The following LRTM1 variants were observed in gnomAD, a reference collection of about 807,000 sequenced individuals.
LRTM1 encodes leucine-rich repeat and transmembrane domain-containing protein 1.
Under a neutral mutation model 32.4 loss-of-function variants are expected in LRTM1, and 38 were observed. The ratio of observed to expected loss-of-function variants is 1.17; its 90% CI spans 0.91 to 1.54. The LOEUF (loss-of-function observed/expected upper bound fraction) is 1.54. Ranked by LOEUF, LRTM1 falls within the 40% of genes most tolerant of loss-of-function variation. The pLI, the probability that LRTM1 is intolerant of heterozygous loss-of-function variation, is 0.00. For synonymous variants in LRTM1, 186 were observed against 169.9 expected (o/e 1.09, Z -0.74); for missense variants, 466 against 415.4 (o/e 1.12, Z -1.06).
At chr3:54,930,745 G>A (rs1363819882), upstream of LRTM1, among the ~76,000 whole-genome samples, 1 of 152,236 alleles carries the variant, frequency 6.6e-6, no homozygotes, top group Non-Finnish European at 1.5e-5. Flanking sequence ...GCCGGAGGCA[G>A]GGAGGATCAA....
At chr3:54,935,226 G>A (rs763886431) in intron 1 of LRTM1, among the ~76,000 whole-genome samples, 7 of 152,132 alleles carry the variant, frequency 4.6e-5, no homozygotes, top group Admixed American at 2.0e-4. Context: ...GTCTACCTCT[G>A]GGGTAGACTT....
chr3:54,960,043 C>A (rs1701993477), intron 1 of LRTM1, among the ~76,000 whole-genome samples: 2 of 138,248 alleles, frequency 1.4e-5, no homozygotes, highest in Admixed American at 7.5e-5. Flanking sequence ...TCTACTTTAC[C>A]AAAGGTGACA....
intron 1 of LRTM1, among the ~76,000 whole-genome samples, chr3:54,940,318 T>C (rs992114685): frequency 2.0e-5 from 3 of 152,222 alleles, no homozygotes; most frequent in Non-Finnish European, 2.9e-5. Context: ...GGAGCAACTG[T>C]CTTCTAAAAA....
At chr3:54,920,715 G>A (rs920205962) in intron 2 of LRTM1, among the ~76,000 whole-genome samples, 2 of 152,148 alleles carry the variant, frequency 1.3e-5, no homozygotes, top group East Asian at 1.9e-4. Context: ...AGAAGTAGTC[G>A]TGATATTTAA....
chr3:54,921,665 C>T (rs943157706), intron 2 of LRTM1, among the ~76,000 whole-genome samples: 4 of 151,996 alleles, frequency 2.6e-5, no homozygotes, highest in East Asian at 1.9e-4. Flanking sequence ...CCGTGTAATC[C>T]GCCATGCATT....
chr3:54,924,694 G>C lies in LRTM1; in HGVS notation c.529C>G (p.Leu177Val), dbSNP rs145632656. The C allele has an allele frequency of 4.3e-6, 7 of 1,614,136 alleles. No individual in the cohort carries two copies. Among genetic ancestry groups the C allele is most frequent in the Non-Finnish European group, 5.9e-6 (7 of 1,180,018 alleles). The part of the protein sequence containing the change: ...ESMPSVRLLL[L>V]KDNLWKCNCH... ...TTGCATTTCCAGAGGTTGTCCTTGA[G>C]AAGTAAAAGCCTCACACTGGGCATG... The change falls in exon 2 of 3, where the codon CTC becomes GTC. Residue 177 changes from leucine to valine, a missense_variant. By Grantham distance (32) the Leu-to-Val change is conservative. Transcript: ENST00000273286.
At chr3:54,924,018 C>A (rs1037830706) in intron 2 of LRTM1, among the ~76,000 whole-genome samples, 5 of 152,176 alleles carry the variant, frequency 3.3e-5, no homozygotes, top group East Asian at 1.9e-4. Context: ...AGTTTGCTAA[C>A]CCTGGGTGGT....
intron 1 of LRTM1, among the ~76,000 whole-genome samples, chr3:54,945,642 T>C (rs1420868372): frequency 1.3e-5 from 2 of 152,192 alleles, no homozygotes; most frequent in East Asian, 3.9e-4. Context: ...CCCAATGGAA[T>C]CTCAAGCTTA....
intron 1 of LRTM1, among the ~76,000 whole-genome samples, chr3:54,952,558 T>C (rs899059654): frequency 2.0e-5 from 3 of 152,248 alleles, no homozygotes; most frequent in Admixed American, 6.5e-5. Flanking sequence ...ATCTTTTCTA[T>C]AGGGACAGGG....
intron 1 of LRTM1, among the ~76,000 whole-genome samples, chr3:54,948,100 G>A (rs1701660187): frequency 6.6e-6 from 1 of 152,166 alleles, no homozygotes; most frequent in African/African-American, 2.4e-5. Flanking sequence ...CACCCATCAA[G>A]TGCTCTCGAC....
intron 1 of LRTM1, among the ~76,000 whole-genome samples, chr3:54,962,400 C>G (rs955814272): frequency 2.4e-4 from 37 of 152,114 alleles, no homozygotes; most frequent in African/African-American, 8.4e-4. Flanking sequence ...TGCTCACTCT[C>G]AACATAATTG....
chr3:54,930,049 A>T (rs893657225), upstream of LRTM1, among the ~76,000 whole-genome samples: 2 of 152,208 alleles, frequency 1.3e-5, no homozygotes, highest in African/African-American at 4.8e-5. Context: ...CATTGCAATT[A>T]TTGGACTCTG....
At chr3:54,925,268 T>C in intron 1 of LRTM1, 53 bp from the exon 2 acceptor site, 1 of 1,435,900 alleles carries the variant, frequency 7.0e-7, no homozygotes, top group Non-Finnish European at 9.6e-7. Context: ...AGGTGTGGTA[T>C]CAGCACTTTT....
intron 1 of LRTM1, among the ~76,000 whole-genome samples, chr3:54,954,893 C>T (rs576578498): frequency 1.3e-5 from 2 of 152,258 alleles, no homozygotes; most frequent in South Asian, 4.2e-4. Context: ...GCATGAGAGG[C>T]GCCGATTAAC....
intron 1 of LRTM1, among the ~76,000 whole-genome samples, chr3:54,946,286 C>G (rs1037299444): frequency 6.6e-6 from 1 of 152,182 alleles, no homozygotes; most frequent in Non-Finnish European, 1.5e-5. Flanking sequence ...TGAGTGCCCC[C>G]TCTTATACTC....
At chr3:54,935,583 A>G (rs1701307658) in intron 1 of LRTM1, among the ~76,000 whole-genome samples, 1 of 152,174 alleles carries the variant, frequency 6.6e-6, no homozygotes. Context: ...AGGAATATAA[A>G]TTGGAATCAA....
At chr3:54,920,686 A>G (rs1041869733) in intron 2 of LRTM1, among the ~76,000 whole-genome samples, 2 of 152,174 alleles carry the variant, frequency 1.3e-5, no homozygotes, top group African/African-American at 4.8e-5. Flanking sequence ...AGAGACAGAA[A>G]TGAAGTGATG....
intron 1 of LRTM1, among the ~76,000 whole-genome samples, chr3:54,964,917 C>G (rs1332154682): frequency 1.3e-5 from 2 of 152,008 alleles, no homozygotes; most frequent in Middle Eastern, 6.8e-3. Context: ...TACTCTCATT[C>G]TCCCATTTCC....
At chr3:54,953,713 G>A (rs1701813387) in intron 1 of LRTM1, among the ~76,000 whole-genome samples, 1 of 152,208 alleles carries the variant, frequency 6.6e-6, no homozygotes, top group African/African-American at 2.4e-5. Flanking sequence ...CCCCTTGCCT[G>A]TGAACGCTTG....
Sources: gnomAD v4.1 joint callset for allele counts (sites outside exome capture counted in the v4.1 genomes callset) on GRCh38, gnomAD v4.1.1 for gene constraint, MANE v1.5 for transcripts, NCBI Gene and HGNC (gene_info 2026-07-23, HGNC 2026-07-21) for gene names.